The following DGCR6L variants were observed in gnomAD, a reference collection of about 807,000 sequenced individuals.
DGCR6L encodes protein DGCR6L.
Under a neutral mutation model 31.1 loss-of-function variants are expected in DGCR6L, and 24 were observed. The ratio of observed to expected loss-of-function variants is 0.77; its 90% CI spans 0.56 to 1.08. The LOEUF is 1.08. DGCR6L is among the 50% of genes least tolerant of loss of function. The pLI is 0.00. For missense variants in DGCR6L, 218 were observed against 287.1 expected (o/e 0.76, Z 1.74); for synonymous variants, 104 against 126.1 (o/e 0.82, Z 1.17).
chr22:20,319,974 C>G lies in DGCR6L; in HGVS notation c.15G>C (p.Ala5=). ...CGTCCGCCACCTCCTCCAAGGCGGC[C>G]GCGTAGCGCTCCATGGCGCGGACGC... MERY[A]AALEEVADGA... is the part of the protein sequence containing the mutation. Residue 5 remains alanine (A), a synonymous_variant, in exon 1 of 5, where the codon GCG becomes GCC. Coordinates refer to ENST00000248879, the MANE Select transcript of DGCR6L (RefSeq NM_033257.4). The G allele has an allele frequency of 1.3e-6, 2 of 1,596,444 alleles. No homozygotes were observed. Among genetic ancestry groups the G allele is most frequent in the Non-Finnish European group, 8.5e-7 (1 of 1,173,294 alleles).
chr22:20,317,803 TAATGAGCC>T (rs1278128243), intron 2 of DGCR6L, among the ~76,000 whole-genome samples: 1 of 152,228 alleles, frequency 6.6e-6, no homozygotes, highest in Non-Finnish European at 1.5e-5. Context: ...CATTAAGGAA[TAATGAGCC>T]ATGCGCTTGG....
rs1425953613 is a variant in DGCR6L, at chr22:20,315,482, A to G, written c.373-6T>C. The G allele has an allele frequency of 2.5e-6, 4 of 1,613,038 alleles. No homozygotes were observed. Among genetic ancestry groups the G allele is most frequent in the South Asian group, 1.1e-5 (1 of 91,060 alleles). On this transcript the variant is annotated splice_region_variant and splice_polypyrimidine_tract_variant and intron_variant, in intron 3 of 4. Coordinates refer to ENST00000248879, the MANE Select transcript of DGCR6L (RefSeq NM_033257.4). Reference sequence around the variant, plus strand: ...CGGATCCGGTGTTCCACGGCCTGCCATGGGGCCAGGGCGCGGAGGGGGAGA... The same window carrying G: ...CGGATCCGGTGTTCCACGGCCTGCCGTGGGGCCAGGGCGCGGAGGGGGAGA...
intron 2 of DGCR6L, among the ~76,000 whole-genome samples, chr22:20,316,689 C>T (rs900032867): frequency 6.6e-6 from 1 of 152,224 alleles, no homozygotes; most frequent in African/African-American, 2.4e-5. Flanking sequence ...TCGGGCCCTC[C>T]ACCCTCAGTG....
In DGCR6L at chr22:20,319,660, G is replaced by A. The variant is rs1288874523; in HGVS notation, c.250C>T (p.Arg84Cys). Residue 84 changes from arginine (R) to cysteine (C), a missense_variant, in exon 2 of 5, where the codon CGC (arginine) becomes TGC (cysteine). This residue lies in a region of DGCR6L where 78 missense variants were observed against 90.0 expected (regional missense o/e 0.87). Coordinates refer to ENST00000248879, the MANE Select transcript of DGCR6L (RefSeq NM_033257.4). ...GCACCTCGGTGCTCGTTCTGTAGGC[G>A]CAGGCGCTGGTTGTACAGGCTCTTT... is the stretch of plus-strand genomic sequence containing the variant. ...TEKSLYNQRL[R>C]LQNEHRVLRQ... 1 of 1,611,616 alleles carries A rather than the reference G, an allele frequency of 6.2e-7. No homozygotes were observed. Among genetic ancestry groups the A allele is most frequent in the Non-Finnish European group, 8.5e-7 (1 of 1,179,844 alleles).
intron 3 of DGCR6L, among the ~76,000 whole-genome samples, chr22:20,315,743 G>A (rs1466521867): frequency 2.0e-5 from 3 of 152,150 alleles, no homozygotes; most frequent in Non-Finnish European, 4.4e-5. Context: ...CCTGCCCCAC[G>A]GCTTGTTGGT....
intron 2 of DGCR6L, chr22:20,318,171 T>A (rs1323354879): frequency 6.5e-6 from 1 of 153,772 alleles, no homozygotes; most frequent in Non-Finnish European, 1.4e-5. Context: ...ATTCACCACG[T>A]GATCATCTCA....
rs752307064 is a variant in DGCR6L at position 20,316,156 on chromosome 22, A to G, written c.335T>C (p.Leu112Pro). 6.2e-7 allele frequency: 1 copy of G among 1,611,174 alleles called. No homozygotes were observed. The change falls in exon 3 of 5, where the codon CTG becomes CCG. Residue 112 changes from leucine (L) to proline (P), a missense_variant. Transcript: ENST00000248879. ...CTGCTGAGCCGCCTGAACCACAGGC[A>G]GGTTGTGGGGCCGGCAGGCCTGCTG... ...EAQQACRPHNLPVVQAAQQRE... is the reference protein window; with the variant it reads ...EAQQACRPHNPPVVQAAQQRE...
In DGCR6L at chr22:20,316,016, C is replaced by A. The variant is rs919636745; in HGVS notation, c.372+103G>T. ...GTCCCACTCAGGCCCAGGACAGCCA[C>A]CCATGCCTGAGCCCCCACACCCCTT... On this transcript the variant is annotated intron_variant, in intron 3 of 4. Transcript: ENST00000248879. The A allele has an allele frequency of 5.1e-6, 7 of 1,383,096 alleles. No individual in the cohort carries two copies. The African/African-American group carries it at 7.2e-5, about 14-fold the overall frequency. 85.7% of individuals were successfully genotyped at this position (1,383,096 alleles called of 1,614,324 possible).
Position 20,319,886 on chromosome 22 carries a change from A to C in DGCR6L, c.103T>G (p.Leu35Val). 6.2e-7 allele frequency: 1 copy of C among 1,609,604 alleles called. No homozygotes were observed. Among genetic ancestry groups the C allele is most frequent in the Non-Finnish European group, 8.5e-7 (1 of 1,178,732 alleles). Residue 35 changes from leucine (L) to valine (V), a missense_variant, in exon 1 of 5, where the codon TTG (leucine) becomes GTG (valine). Leu to Val is a conservative substitution (Grantham distance 32, BLOSUM62 1). This residue lies in a region of DGCR6L where 77 missense variants were observed against 71.2 expected (regional missense o/e 1.08). Transcript: ENST00000248879. The stretch of plus-strand genomic sequence containing the variant: ...CCCGCCCCGCCTGCGTACCTGGGCA[A>C]CTCCTTCACCAGGCTCTGTAGCGCC... ...LSALQSLVKE[L>V]PSSFQQRLSY...
chr22:20,314,562 A>C lies in DGCR6L; in HGVS notation c.*113T>G, dbSNP rs919304886. The C allele has an allele frequency of 1.6e-5, 22 of 1,376,078 alleles. No individual in the cohort carries two copies. Among genetic ancestry groups the C allele is most frequent in the Non-Finnish European group, 2.1e-5 (22 of 1,031,324 alleles). The allele number at this position is 1,376,078 out of a possible 1,614,324, so 85.2% of individuals were successfully genotyped here. A position where few individuals can be genotyped will look rare whatever the true frequency, so the allele number is the denominator to read the frequency against. ...AAGTCCCAGATGAAGGGTGACAGGC[A>C]GCTGGGGTCCACCTGGTCTCTCCTC... On this transcript the variant is annotated 3_prime_UTR_variant, in exon 5 of 5. Transcript: ENST00000248879.
At chr22:20,315,843 C>T (rs1012332011) in intron 3 of DGCR6L, among the ~76,000 whole-genome samples, 6 of 152,210 alleles carry the variant, frequency 3.9e-5, no homozygotes, top group Non-Finnish European at 7.4e-5. Context: ...CTTTGTACCC[C>T]CCTGAGGCCA....
intron 2 of DGCR6L, among the ~76,000 whole-genome samples, 184 bp from the exon 3 acceptor site, chr22:20,316,403 A>C (rs1422923675): frequency 2.6e-5 from 4 of 152,200 alleles, no homozygotes; most frequent in Non-Finnish European, 5.9e-5. Context: ...TCTGGTGGCA[A>C]GTCTCCAGGG....
At chr22:20,316,942 A>G (rs1293013543) in intron 2 of DGCR6L, among the ~76,000 whole-genome samples, 4 of 152,238 alleles carry the variant, frequency 2.6e-5, no homozygotes, top group African/African-American at 9.6e-5. Flanking sequence ...GTACAGAGGA[A>G]GCGATCATGG....
Position 20,315,373 on chromosome 22 carries a change from G to C in DGCR6L, c.476C>G (p.Ala159Gly). The C allele has an allele frequency of 6.2e-7, 1 of 1,613,880 alleles. No homozygotes were observed. The highest frequency in any genetic ancestry group is 8.5e-7 in the Non-Finnish European group (1 of 1,179,992). Residue 159 changes from alanine to glycine, a missense_variant, in exon 4 of 5, where the codon GCG (alanine) becomes GGG (glycine). Ala to Gly is a moderately conservative substitution (Grantham distance 60). Transcript: ENST00000248879. ...GGTCACGTAGAAGCCAGCCACCCCCGCCTTCTCCAGTGTGCTCTGCTGGTC... is the reference window on the plus strand; with the variant it reads ...GGTCACGTAGAAGCCAGCCACCCCCCCCTTCTCCAGTGTGCTCTGCTGGTC... The part of the protein sequence containing the change: ...VADQQSTLEK[A>G]GVAGFYVTTN...
At chr22:20,317,624 G>C (rs944496830) in intron 2 of DGCR6L, among the ~76,000 whole-genome samples, 7 of 152,248 alleles carry the variant, frequency 4.6e-5, no homozygotes, top group Non-Finnish European at 8.8e-5. Context: ...AGGAACTATA[G>C]CTCTGTGGAA....
chr22:20,318,630 C>T (rs3970470), intron 2 of DGCR6L: 1 of 152,154 alleles, frequency 6.6e-6, no homozygotes, highest in Admixed American at 6.5e-5. Flanking sequence ...AGGAGACACC[C>T]GGAACAGTTA....
chr22:20,316,158 G>C lies in DGCR6L; in HGVS notation c.333C>G (p.Asn111Lys). 2 of 1,611,118 alleles carry C rather than the reference G, an allele frequency of 1.2e-6. No homozygotes were observed. Among genetic ancestry groups the C allele is most frequent in the Non-Finnish European group, 1.7e-6 (2 of 1,179,524 alleles). ...QEAQQACRPH[N>K]LPVVQAAQQR... ...GCTGAGCCGCCTGAACCACAGGCAG[G>C]TTGTGGGGCCGGCAGGCCTGCTGGG... Residue 111 changes from asparagine to lysine, a missense_variant, in exon 3 of 5, where the codon AAC becomes AAG. Transcript: ENST00000248879.
Position 20,315,380 on chromosome 22 carries a change from C to T in DGCR6L, c.469G>A (p.Glu157Lys). ...TAGAAGCCAGCCACCCCCGCCTTCT[C>T]CAGTGTGCTCTGCTGGTCAGCCACC... ...RKVADQQSTL[E>K]KAGVAGFYVT... is the part of the protein sequence containing the mutation. The change falls in exon 4 of 5, where the codon GAG becomes AAG. Residue 157 changes from glutamate to lysine, a missense_variant. Physicochemically the swap from Glu to Lys is moderately conservative, Grantham distance 56. Transcript: ENST00000248879. 1 of 1,613,954 alleles carries T rather than the reference C, an allele frequency of 6.2e-7. No individual in the cohort carries two copies. The highest frequency in any genetic ancestry group is 8.5e-7 in the Non-Finnish European group (1 of 1,180,014).
chr22:20,315,044 C>A (rs749271820), intron 4 of DGCR6L: 61 of 1,257,920 alleles, frequency 4.8e-5, no homozygotes, highest in Non-Finnish European at 5.3e-5. Context: ...GAGCCTCTGC[C>A]CCCAGCAGGG....
Sources: allele counts gnomAD v4.1 joint callset (sites outside exome capture counted in the v4.1 genomes callset), GRCh38; gene constraint gnomAD v4.1.1; regional missense constraint gnomAD v4.1.1; transcripts MANE v1.5; gene names NCBI Gene and HGNC (gene_info 2026-07-23, HGNC 2026-07-21).